TJP1: variants seen among roughly 807,000 people sequenced by gnomAD.
TJP1 encodes the protein tight junction protein ZO-1.
TJP1 carries 43 observed loss-of-function variants against 194.2 expected under a neutral mutation model. The ratio of observed to expected loss-of-function variants is 0.22; its 90% CI spans 0.17 to 0.29. The LOEUF (loss-of-function observed/expected upper bound fraction) is 0.29. Among genes scored for constraint, TJP1 ranks in the 10% least tolerant of loss-of-function variants. The pLI is 1.00. For missense variants in TJP1, 1,971 were observed against 2,185.7 expected (o/e 0.90, Z 1.96); for synonymous variants, 801 against 779.0 (o/e 1.03, Z -0.47).
chr15:29,711,044 A>C, intron 23 of TJP1, 44 bp from the exon 24 acceptor site: 1 of 1,512,466 alleles, frequency 6.6e-7, no homozygotes, highest in Non-Finnish European at 8.8e-7. Context: ...AAATGGACTC[A>C]CATTTACAAA....
chr15:29,898,303 T>C (rs2053538563), intron 2 of TJP1, among the ~76,000 whole-genome samples: 1 of 152,212 alleles, frequency 6.6e-6, no homozygotes, highest in Admixed American at 6.5e-5. Flanking sequence ...GAGACATTCC[T>C]TTCACTTTCC....
chr15:29,881,024 A>G (rs952467049), intron 2 of TJP1, among the ~76,000 whole-genome samples: 9 of 152,158 alleles, frequency 5.9e-5, no homozygotes, highest in Admixed American at 6.5e-5. Flanking sequence ...GCTGTTTTCC[A>G]TAACTGTGGC....
intron 2 of TJP1, among the ~76,000 whole-genome samples, chr15:29,926,885 T>G (rs2054543732): frequency 6.6e-6 from 1 of 152,118 alleles, no homozygotes; most frequent in South Asian, 2.1e-4. Context: ...GTTAAAAAGA[T>G]AAAAAGAAAA....
intron 2 of TJP1, among the ~76,000 whole-genome samples, chr15:29,951,361 T>A (rs1032908397): frequency 7.9e-5 from 12 of 151,832 alleles, no homozygotes; most frequent in Non-Finnish European, 1.5e-4. Context: ...AGAGACAGGG[T>A]TTTACCAGGT....
At chr15:29,942,391 C>A (rs2055111501) in intron 2 of TJP1, among the ~76,000 whole-genome samples, 1 of 152,142 alleles carries the variant, frequency 6.6e-6, no homozygotes, top group African/African-American at 2.4e-5. Flanking sequence ...GTCTTTGCAG[C>A]CTTTGTACTT....
At chr15:29,902,412 A>T (rs2053662695) in intron 2 of TJP1, among the ~76,000 whole-genome samples, 1 of 152,172 alleles carries the variant, frequency 6.6e-6, no homozygotes, top group Non-Finnish European at 1.5e-5. Context: ...CTATATGAAA[A>T]TCAATCAACA....
chr15:29,721,389 C>T (rs936247695), intron 18 of TJP1, among the ~76,000 whole-genome samples: 2 of 152,168 alleles, frequency 1.3e-5, no homozygotes, highest in Non-Finnish European at 2.9e-5. Context: ...CAACTCTCTT[C>T]CTCCTGCTCC....
At chr15:29,769,163 A>C (rs1200117893) in intron 4 of TJP1, among the ~76,000 whole-genome samples, 1 of 152,208 alleles carries the variant, frequency 6.6e-6, no homozygotes, top group Non-Finnish European at 1.5e-5. Context: ...TACAGAAAAC[A>C]CTCTAGTATG....
intron 2 of TJP1, among the ~76,000 whole-genome samples, chr15:29,934,540 C>A (rs1291065815): frequency 6.6e-6 from 1 of 152,170 alleles, no homozygotes; most frequent in South Asian, 2.1e-4. Flanking sequence ...CCCTTCTCAG[C>A]CCCACTTTGA....
chr15:29,795,161 C>T (rs574436902), intron 2 of TJP1, among the ~76,000 whole-genome samples: 5 of 152,048 alleles, frequency 3.3e-5, no homozygotes, highest in Non-Finnish European at 5.9e-5. Context: ...TGGTGGCTCA[C>T]GCCTGTAATC....
At chr15:29,942,281 G>GAGA (rs2055107828) in intron 2 of TJP1, among the ~76,000 whole-genome samples, 1 of 152,152 alleles carries the variant, frequency 6.6e-6, no homozygotes, top group South Asian at 2.1e-4. Context: ...AGAGATGATG[G>GAGA]CACAGGTCAA....
chr15:29,921,424 G>C (rs1402699526), intron 2 of TJP1, among the ~76,000 whole-genome samples: 1 of 152,110 alleles, frequency 6.6e-6, no homozygotes, highest in Non-Finnish European at 1.5e-5. Flanking sequence ...AGCCCCCTCA[G>C]CACCTTCCCT....
In TJP1 at chr15:29,822,011, C is replaced by A. The variant is rs1258440898; in HGVS notation, c.18G>T (p.Ala6=). MSARA[A]AAKSTAMEET... ...CCGCGGAGGCGCTCACCTTGGCGGC[C>A]GCAGCTCTGGCGGACATCTTGTCTC... Residue 6 remains alanine (A), a synonymous_variant, in exon 1 of 28, where the codon GCG becomes GCT. Transcript: ENST00000614355. 4.1e-5 allele frequency: 55 copies of A among 1,348,814 alleles called. No homozygotes were observed. The highest frequency in any genetic ancestry group is 4.6e-5 in the Non-Finnish European group (48 of 1,047,714). The allele number at this position is 1,348,814 out of a possible 1,614,324, so 83.6% of individuals were successfully genotyped here.
Position 29,741,323 on chromosome 15 carries a change from T to C in TJP1, c.1256+8A>G. The C allele has an allele frequency of 1.3e-6, 2 of 1,574,034 alleles. No individual in the cohort carries two copies. The highest frequency in any genetic ancestry group is 1.7e-6 in the Non-Finnish European group (2 of 1,158,460). ...AAAGAAAACAATACAACTTTAAAAT[T>C]GTATTACCGAAGAATCCCATCTTCA... On this transcript the variant is annotated splice_region_variant and intron_variant, in intron 10 of 27. Transcript: ENST00000614355.
Position 29,710,941 on chromosome 15 carries a change from G to C in TJP1, c.4262C>G (p.Pro1421Arg), listed in dbSNP as rs776222948. 1 of 1,614,124 alleles carries C rather than the reference G, an allele frequency of 6.2e-7. No homozygotes were observed. Among genetic ancestry groups the C allele is most frequent in the Non-Finnish European group, 8.5e-7 (1 of 1,180,034 alleles). Residue 1421 changes from proline (P) to arginine (R), a missense_variant, in exon 24 of 28, where the codon CCC becomes CGC. Around this residue, in one of 5 missense-constraint regions of TJP1, gnomAD observed 1,108 missense variants for 1,128.5 expected, o/e 0.98. Transcript: ENST00000614355. ...AGGAGGAGGGGGAGTGGCCTGGATGGGTTCATAGCGTTTCTCGCCAAATGA... is the reference window on the plus strand; with the variant it reads ...AGGAGGAGGGGGAGTGGCCTGGATGCGTTCATAGCGTTTCTCGCCAAATGA... Reference protein sequence around the residue: ...DRSFGEKRYEPIQATPPPPPL... With the variant: ...DRSFGEKRYERIQATPPPPPL...
chr15:29,761,237 G>A lies in TJP1; in HGVS notation c.912C>T (p.His304=), dbSNP rs766419502. 1.8e-5 allele frequency: 29 copies of A among 1,614,066 alleles called. No homozygotes were observed. Among genetic ancestry groups the A allele is most frequent in the African/African-American group, 2.7e-5 (2 of 75,044 alleles). The change falls in exon 8 of 28, where the codon CAC becomes CAT. Residue 304 remains histidine (H), a synonymous_variant. Coordinates refer to ENST00000614355, the MANE Select transcript of TJP1 (RefSeq NM_001330239.4). ...SLASDHSGRS[H]DRPPRRSRSR... ...ACCGGCTGCGGCGGGGAGGCCTATC[G>A]TGTGATCGACCAGAATGATCTGATG...
chr15:29,715,053 T>C (rs2042479317), intron 23 of TJP1, among the ~76,000 whole-genome samples: 2 of 152,224 alleles, frequency 1.3e-5, no homozygotes, highest in African/African-American at 4.8e-5. Context: ...CTAGTCACCA[T>C]TTAGATGTTA....
At chr15:29,736,041 T>TA (rs1459391259) in intron 11 of TJP1, among the ~76,000 whole-genome samples, 1 of 151,716 alleles carries the variant, frequency 6.6e-6, no homozygotes, top group East Asian at 1.9e-4. Context: ...AGGAAAAGAA[T>TA]AAAAAAATGT....
chr15:29,940,014 G>A (rs2055014516), intron 2 of TJP1, among the ~76,000 whole-genome samples: 1 of 152,122 alleles, frequency 6.6e-6, no homozygotes, highest in South Asian at 2.1e-4. Context: ...TCTGGAAATA[G>A]AGCCACTGTC....
Sources: gnomAD v4.1 joint callset for allele counts (sites outside exome capture counted in the v4.1 genomes callset) on GRCh38, gnomAD v4.1.1 for gene constraint, gnomAD v4.1.1 regional missense constraint, MANE v1.5 for transcripts, NCBI Gene and HGNC (gene_info 2026-07-23, HGNC 2026-07-21) for gene names.